SMARCAD1: variants seen among roughly 807,000 people sequenced by gnomAD.
The protein encoded by SMARCAD1 is SWI/SNF-related matrix-associated actin-dependent regulator of chromatin subfamily A containing DEAD/H box 1.
SMARCAD1 carries 25 observed loss-of-function variants against 127.1 expected under a neutral mutation model. The ratio of observed to expected loss-of-function variants is 0.20; its 90% CI spans 0.14 to 0.27. The LOEUF (loss-of-function observed/expected upper bound fraction) is 0.27, where lower values mean the gene tolerates loss of function less well. Among genes scored for constraint, SMARCAD1 ranks in the 10% least tolerant of loss-of-function variants. The probability of loss-of-function intolerance (pLI) is 1.00; values close to 1 mark genes in which losing one functional copy is unlikely to be tolerated. For synonymous variants in SMARCAD1, 400 were observed against 396.9 expected (o/e 1.01, Z -0.09); for missense variants, 807 against 1,206.0 (o/e 0.67, Z 4.90).
At chr4:94,239,383 A>G (rs867877776) in intron 5 of SMARCAD1, among the ~76,000 whole-genome samples, 30 of 152,056 alleles carry the variant, frequency 2.0e-4, no homozygotes, top group African/African-American at 6.0e-4. Flanking sequence ...CTTAACAGAC[A>G]GTATCATCCT....
chr4:94,251,823 T>C (rs967372755), intron 8 of SMARCAD1, among the ~76,000 whole-genome samples: 1 of 152,104 alleles, frequency 6.6e-6, no homozygotes, highest in African/African-American at 2.4e-5. Flanking sequence ...GTGGGGCTTT[T>C]TGATAATACT....
chr4:94,270,322 A>G (rs1487560689), intron 10 of SMARCAD1, among the ~76,000 whole-genome samples: 2 of 152,080 alleles, frequency 1.3e-5, no homozygotes, highest in African/African-American at 4.8e-5. Flanking sequence ...AAAGTAGCAA[A>G]TTATGTTTGT....
At chr4:94,229,169 G>A (rs949337458) in intron 3 of SMARCAD1, among the ~76,000 whole-genome samples, 3 of 152,096 alleles carry the variant, frequency 2.0e-5, no homozygotes, top group Admixed American at 6.5e-5. Context: ...AGTTATCTGT[G>A]GAGAGATACT....
At chr4:94,261,899 C>T (rs1751046351) in intron 9 of SMARCAD1, among the ~76,000 whole-genome samples, 1 of 152,194 alleles carries the variant, frequency 6.6e-6, no homozygotes, top group Non-Finnish European at 1.5e-5. Context: ...TGTGAGCCAC[C>T]ACAACCGGCC....
rs1175784377 is a variant in SMARCAD1, at chr4:94,242,130, T to TTCAA, written c.705+1125_705+1128dup. Among the ~76,000 whole-genome samples the TTCAA allele has an allele frequency of 3.3e-5, 5 of 152,122 alleles. 1 individual carries two copies. Among genetic ancestry groups the TTCAA allele is most frequent in the Admixed American group, 1.3e-4 (2 of 15,272 alleles). ...CTCACTGCAACCTCCACTTCCCTGG[T>TTCAA]TCAAGCAATTCTCGCACCTCAGCCT... On this transcript the variant is annotated intron_variant, in intron 6 of 23. Transcript: ENST00000354268.
intron 8 of SMARCAD1, among the ~76,000 whole-genome samples, chr4:94,251,786 T>C (rs919141647): frequency 2.0e-5 from 3 of 152,246 alleles, no homozygotes; most frequent in Admixed American, 2.0e-4. Context: ...CTTAGAATTC[T>C]GTAAACTGAT....
chr4:94,265,875 A>G (rs530653753), intron 10 of SMARCAD1, among the ~76,000 whole-genome samples: 4 of 152,076 alleles, frequency 2.6e-5, no homozygotes, highest in African/African-American at 9.6e-5. Flanking sequence ...TAAGATTAGC[A>G]GTAGGATCTC....
chr4:94,280,677 A>G lies in SMARCAD1; in HGVS notation c.2504A>G (p.Lys835Arg), dbSNP rs1317452692. The G allele has an allele frequency of 1.2e-6, 2 of 1,613,552 alleles. No homozygotes were observed. The highest frequency in any genetic ancestry group is 8.5e-7 in the Non-Finnish European group (1 of 1,179,718). The change falls in exon 20 of 24, where the codon AAA (lysine) becomes AGA (arginine). Residue 835 changes from lysine to arginine, a missense_variant. Around this residue, in one of 8 missense-constraint regions of SMARCAD1, gnomAD observed 99 missense variants for 126.0 expected, o/e 0.79. Coordinates refer to ENST00000354268, the MANE Select transcript of SMARCAD1 (RefSeq NM_020159.5). ...GACTTCGAACTACATGTACTTTGTA[A>G]ACAGTACCGACACATTAATAACTTT... ...MTDFELHVLC[K>R]QYRHINNFQL...
chr4:94,279,921 A>C (rs1197746795), intron 19 of SMARCAD1, among the ~76,000 whole-genome samples: 2 of 151,492 alleles, frequency 1.3e-5, no homozygotes, highest in African/African-American at 4.9e-5. Flanking sequence ...CTGGAGTGCG[A>C]TGGCATGATC....
intron 4 of SMARCAD1, among the ~76,000 whole-genome samples, chr4:94,235,641 T>A (rs970636199): frequency 1.6e-5 from 2 of 121,348 alleles, no homozygotes; most frequent in South Asian, 2.4e-4. Context: ...CTAATGTGAA[T>A]TTTTTTTTTT....
rs70946518 is a variant in SMARCAD1 at position 94,282,100 on chromosome 4, G to GTTT, written c.2726+525_2726+527dup. Among the ~76,000 whole-genome samples, 185 of 74,954 alleles carry GTTT rather than the reference G, an allele frequency of 2.5e-3. 25 individuals carry two copies. Among genetic ancestry groups the GTTT allele is most frequent in the South Asian group, 0.011 (17 of 1,514 alleles). The allele number at this position is 74,954 out of a possible 152,430, so 49.2% of individuals were successfully genotyped here. On this transcript the variant is annotated intron_variant, in intron 21 of 23. Transcript: ENST00000354268. ...GAATTACATGCAAATACGTTTTTTT[G>GTTT]TTTTTTTTTTTTTTTTTGAGACGGA...
intron 2 of SMARCAD1, among the ~76,000 whole-genome samples, chr4:94,225,754 T>G (rs1473687281): frequency 6.6e-6 from 1 of 152,194 alleles, no homozygotes; most frequent in African/African-American, 2.4e-5. Flanking sequence ...AATTAAGGCT[T>G]AGAGAAATTA....
At position 94,222,868 on chromosome 4, in the gene SMARCAD1, G is replaced by A. The variant is rs111356291; in HGVS notation, c.191-3251G>A. Among the ~76,000 whole-genome samples the A allele has an allele frequency of 9.3e-3, 1,413 of 152,234 alleles. 15 individuals are homozygous for A. Among genetic ancestry groups the A allele is most frequent in the African/African-American group, 0.032 (1,316 of 41,540 alleles). ...AATCCCAGCTACTTGGGAGGCTGAA[G>A]CAGGAGAATCACTTGAACCCGGGAG... is the stretch of plus-strand genomic sequence containing the variant. On this transcript the variant is annotated intron_variant, in intron 2 of 23. Transcript: ENST00000354268.
chr4:94,250,952 G>T (rs565406123), intron 8 of SMARCAD1, 119 bp downstream of exon 8: 2 of 708,556 alleles, frequency 2.8e-6, no homozygotes, highest in South Asian at 2.1e-5. Flanking sequence ...GATTGCAAAA[G>T]ATGTTGAAAG....
chr4:94,289,548 A>T lies in SMARCAD1; in HGVS notation c.*14A>T. On this transcript the variant is annotated 3_prime_UTR_variant, in exon 24 of 24. Transcript: ENST00000354268. ...ATGGGCCTGTGAAATAAGAACTGTGAACTCTCAATTGATGAGGAAATATCA... is the reference window on the plus strand; with the variant it reads ...ATGGGCCTGTGAAATAAGAACTGTGTACTCTCAATTGATGAGGAAATATCA... 1 of 1,604,518 alleles carries T rather than the reference A, an allele frequency of 6.2e-7. No homozygotes were observed. Among genetic ancestry groups the T allele is most frequent in the Non-Finnish European group, 8.5e-7 (1 of 1,171,338 alleles).
At chr4:94,271,702 G>A (rs7356258) in intron 11 of SMARCAD1, among the ~76,000 whole-genome samples, 4,291 of 152,174 alleles carry the variant, frequency 0.028, 183 homozygotes, top group African/African-American at 0.098. Context: ...AGAAATTACC[G>A]AATATATGTC....
At position 94,268,056 on chromosome 4, in the gene SMARCAD1, G is replaced by A. The variant is rs1168638696; in HGVS notation, c.1482-2672G>A. Among the ~76,000 whole-genome samples the A allele has an allele frequency of 2.0e-5, 3 of 152,040 alleles. No individual in the cohort carries two copies. The East Asian group carries it at 5.8e-4, about 29-fold the overall frequency. On this transcript the variant is annotated intron_variant, in intron 10 of 23. Coordinates refer to ENST00000354268, the MANE Select transcript of SMARCAD1 (RefSeq NM_020159.5). Reference sequence around the variant, plus strand: ...AGGATCTGTAATTGGCAGCAGTTCCGTGATAGTAAGCAACAAAGCTACTTG... The same window carrying A: ...AGGATCTGTAATTGGCAGCAGTTCCATGATAGTAAGCAACAAAGCTACTTG...
chr4:94,268,055 C>T (rs1187385652), intron 10 of SMARCAD1, among the ~76,000 whole-genome samples: 2 of 152,024 alleles, frequency 1.3e-5, no homozygotes, highest in African/African-American at 2.4e-5. Flanking sequence ...GCAGCAGTTC[C>T]GTGATAGTAA....
rs777413974 is a variant in SMARCAD1 at position 94,208,430 on chromosome 4, G to C, written c.36G>C (p.Glu12Asp). ...NLFNLDRFRF[E>D]KRNKIEEAPE... ...TCAACCTGGACCGTTTTCGCTTTGA[G>C]AAAAGGAATAAGATTGAGGAAGCGC... The change falls in exon 2 of 24, where the codon GAG (glutamate) becomes GAC (aspartate). Residue 12 changes from glutamate (E) to aspartate (D), a missense_variant. Glu to Asp is a conservative substitution (Grantham distance 45, BLOSUM62 2). Around this residue, in one of 8 missense-constraint regions of SMARCAD1, gnomAD observed 175 missense variants for 169.5 expected, o/e 1.03. Coordinates refer to ENST00000354268, the MANE Select transcript of SMARCAD1 (RefSeq NM_020159.5). 2 of 1,614,062 alleles carry C rather than the reference G, an allele frequency of 1.2e-6. No individual in the cohort carries two copies. The highest frequency in any genetic ancestry group is 2.2e-5 in the South Asian group (2 of 91,074).
Sources: allele counts gnomAD v4.1 joint callset (sites outside exome capture counted in the v4.1 genomes callset), GRCh38; gene constraint gnomAD v4.1.1; regional missense constraint gnomAD v4.1.1; transcripts MANE v1.5; gene names NCBI Gene and HGNC (gene_info 2026-07-23, HGNC 2026-07-21).